FAAH2: variants seen among roughly 807,000 people sequenced by gnomAD.
FAAH2 encodes the protein fatty-acid amide hydrolase 2.
In FAAH2, 60 loss-of-function variants were observed where a neutral mutation model predicts 36.9. The observed-to-expected ratio is 1.63, with a 90% confidence interval of 1.32 to 2.02. The LOEUF is 2.02. Among genes scored for constraint, FAAH2 ranks in the 30% most tolerant of loss-of-function variants. FAAH2 has a pLI of 0.00. For missense variants in FAAH2, 689 were observed against 397.5 expected (o/e 1.73, Z -6.23); for synonymous variants, 214 against 143.8 (o/e 1.49, Z -3.49).
Position 57,362,124 on chromosome X carries a change from G to A in FAAH2, c.743-16527G>A, listed in dbSNP as rs762427435. ...TTTTCAAATTTTATTTTAAGAACAG[G>A]GGATAAAGAAAATGTGGCACATATA... is the stretch of plus-strand genomic sequence containing the variant. On this transcript the variant is annotated intron_variant, in intron 5 of 10. Coordinates refer to ENST00000374900, the MANE Select transcript of FAAH2 (RefSeq NM_174912.4). Among the ~76,000 whole-genome samples the A allele has an allele frequency of 3.6e-5, 4 of 109,655 alleles. No homozygotes were observed. In the South Asian group the frequency reaches 1.6e-3, roughly 43 times the overall value.
chrX:57,415,273 A>T (rs1427008379), intron 7 of FAAH2, among the ~76,000 whole-genome samples: 1 of 110,065 alleles, frequency 9.1e-6, no homozygotes, highest in Non-Finnish European at 1.9e-5. Flanking sequence ...CTAGCTTTTG[A>T]ATTTGTTTGC....
chrX:57,254,664 C>T, the FAAH2 span, among the ~76,000 whole-genome samples: 2 of 111,665 alleles, frequency 1.8e-5, no homozygotes, highest in East Asian at 5.6e-4. Context: ...AAATTTGCTC[C>T]TGAATGACTA....
At chrX:57,452,337 T>A in intron 10 of FAAH2, 1 of 752,831 alleles carries the variant, frequency 1.3e-6, no homozygotes, top group Non-Finnish European at 1.6e-6. Flanking sequence ...AACATGCCAC[T>A]CTCAAGAGTC....
At chrX:57,279,564 G>A in the FAAH2 span, among the ~76,000 whole-genome samples, 3 of 110,777 alleles carry the variant, frequency 2.7e-5, no homozygotes, top group Admixed American at 2.9e-4. Context: ...AACAAAACAC[G>A]TTCTGCACAT....
the FAAH2 span, among the ~76,000 whole-genome samples, chrX:57,177,513 C>T: frequency 1.1e-5 from 1 of 94,501 alleles, no homozygotes; most frequent in Non-Finnish European, 2.1e-5. Flanking sequence ...AAAATTAAAA[C>T]AAATGTGGGT....
the FAAH2 span, among the ~76,000 whole-genome samples, chrX:57,232,619 C>A: frequency 1.8e-5 from 2 of 112,318 alleles, no homozygotes; most frequent in African/African-American, 3.2e-5. Flanking sequence ...TCTCTAGTCT[C>A]TCTCGTAACT....
At chrX:57,261,035 GATGTTTTTCTAA>G in the FAAH2 span, among the ~76,000 whole-genome samples, 51 of 111,230 alleles carry the variant, frequency 4.6e-4, no homozygotes, top group Non-Finnish European at 8.5e-4. Context: ...CAATCTTCTA[GATGTTTTTCTAA>G]AATATAATAA....
chrX:57,266,168 C>T, the FAAH2 span, among the ~76,000 whole-genome samples: 2 of 111,797 alleles, frequency 1.8e-5, no homozygotes, highest in Non-Finnish European at 3.8e-5. Context: ...ACAAGACCTC[C>T]CAACAGGGGT....
chrX:57,295,924 C>A (rs1297038372), intron 2 of FAAH2, among the ~76,000 whole-genome samples: 1 of 112,394 alleles, frequency 8.9e-6, no homozygotes, highest in South Asian at 3.7e-4. Flanking sequence ...CGCCTTTGCT[C>A]AGGCTTGAGT....
the FAAH2 span, among the ~76,000 whole-genome samples, chrX:57,278,385 C>T: frequency 9.0e-6 from 1 of 111,427 alleles, no homozygotes; most frequent in Non-Finnish European, 1.9e-5. Context: ...ATGTAGAAAG[C>T]TGAAACTGGA....
At chrX:57,181,997 T>C in the FAAH2 span, among the ~76,000 whole-genome samples, 2 of 112,045 alleles carry the variant, frequency 1.8e-5, no homozygotes, top group African/African-American at 3.2e-5. Flanking sequence ...CCCTGTTCAA[T>C]AAATGATGCT....
At chrX:57,438,826 C>T (rs1389283263) in intron 8 of FAAH2, among the ~76,000 whole-genome samples, 1 of 101,922 alleles carries the variant, frequency 9.8e-6, no homozygotes, top group African/African-American at 3.5e-5. Flanking sequence ...TGTTCAATTC[C>T]CACCTATAAG....
chrX:57,392,780 G>T (rs1182286780), intron 7 of FAAH2: 3 of 620,613 alleles, frequency 4.8e-6, no homozygotes, highest in Non-Finnish European at 5.6e-6. Context: ...CATGGATGTT[G>T]CGAATGGGCA....
intron 4 of FAAH2, among the ~76,000 whole-genome samples, chrX:57,332,536 G>A (rs1009753159): frequency 1.8e-5 from 2 of 112,144 alleles, no homozygotes; most frequent in African/African-American, 3.2e-5. Flanking sequence ...AAACTTGCTA[G>A]AACAAAAGCC....
chrX:57,266,865 A>G, the FAAH2 span, among the ~76,000 whole-genome samples: 1 of 112,502 alleles, frequency 8.9e-6, no homozygotes, highest in East Asian at 2.8e-4. Flanking sequence ...GAGCAGGGCC[A>G]GAGATGGTCA....
chrX:57,177,558 A>G, the FAAH2 span, among the ~76,000 whole-genome samples: 1 of 85,194 alleles, frequency 1.2e-5, no homozygotes, highest in African/African-American at 4.2e-5. Flanking sequence ...CTTTTTTATT[A>G]TTTAATGTTC....
chrX:57,436,570 A>C (rs2056416541), intron 8 of FAAH2, among the ~76,000 whole-genome samples: 1 of 111,047 alleles, frequency 9.0e-6, no homozygotes, highest in Non-Finnish European at 1.9e-5. Flanking sequence ...AAAAGAAGAA[A>C]TTATAAATCA....
intron 10 of FAAH2, among the ~76,000 whole-genome samples, chrX:57,450,005 T>A (rs929186523): frequency 9.0e-6 from 1 of 111,550 alleles, no homozygotes; most frequent in African/African-American, 3.3e-5. Context: ...CTGCCTAAAT[T>A]GCTGCGTTTA....
chrX:57,207,463 A>T, the FAAH2 span, among the ~76,000 whole-genome samples: 4 of 111,742 alleles, frequency 3.6e-5, no homozygotes, highest in East Asian at 1.1e-3. Flanking sequence ...TCTTTCCCTG[A>T]ATAGTTATTT....
Sources: allele counts gnomAD v4.1 joint callset (sites outside exome capture counted in the v4.1 genomes callset), GRCh38; gene constraint gnomAD v4.1.1; transcripts MANE v1.5; gene names NCBI Gene and HGNC (gene_info 2026-07-23, HGNC 2026-07-21).